Variants in VANGL1 observed in about 807,000 individuals in gnomAD.
VANGL1 encodes the protein VANGL planar cell polarity protein 1.
Under a neutral mutation model 48.4 loss-of-function variants are expected in VANGL1, and 18 were observed. The ratio of observed to expected loss-of-function variants is 0.37; its 90% CI spans 0.26 to 0.55. The LOEUF (loss-of-function observed/expected upper bound fraction) is 0.55, where lower values mean the gene tolerates loss of function less well. Among genes scored for constraint, VANGL1 ranks in the 20% least tolerant of loss-of-function variants. The pLI, the probability that VANGL1 is intolerant of heterozygous loss-of-function variation, is 0.81. For synonymous variants in VANGL1, 257 were observed against 261.8 expected (o/e 0.98, Z 0.18); for missense variants, 667 against 675.8 (o/e 0.99, Z 0.14).
chr1:115,684,624 C>A (rs992898812), intron 6 of VANGL1, among the ~76,000 whole-genome samples: 4 of 152,150 alleles, frequency 2.6e-5, no homozygotes, highest in African/African-American at 9.7e-5. Context: ...CTTGCAGAGA[C>A]CCTACCCAAT....
At position 115,683,992 on chromosome 1, in the gene VANGL1, C is replaced by T; in HGVS notation, c.995C>T (p.Ala332Val). Residue 332 changes from alanine to valine, a missense_variant, in exon 6 of 8, where the codon GCT (alanine) becomes GTT (valine). Coordinates refer to ENST00000355485, the MANE Select transcript of VANGL1 (RefSeq NM_138959.3). ...TGQSRAMIAA[A>V]ARRRDSSHNE... is the part of the protein sequence containing the mutation. ...CAGTCCCGGGCCATGATTGCTGCAG[C>T]TGCTCGGCGCAGGGACTCAAGCCAC... 6.2e-7 allele frequency: 1 copy of T among 1,614,174 alleles called. No individual in the cohort carries two copies. Among genetic ancestry groups the T allele is most frequent in the Non-Finnish European group, 8.5e-7 (1 of 1,180,024 alleles).
At chr1:115,678,680 G>A (rs1570765381) in intron 4 of VANGL1, among the ~76,000 whole-genome samples, 1 of 152,172 alleles carries the variant, frequency 6.6e-6, no homozygotes, top group African/African-American at 2.4e-5. Flanking sequence ...GAAAGGCCAG[G>A]CACAGTGGCT....
At chr1:115,673,837 T>C (rs1291108232) in intron 4 of VANGL1, among the ~76,000 whole-genome samples, 1 of 152,034 alleles carries the variant, frequency 6.6e-6, no homozygotes, top group Non-Finnish European at 1.5e-5. Context: ...TGACCTCAAA[T>C]GATCTGCCTG....
intron 1 of VANGL1, among the ~76,000 whole-genome samples, chr1:115,646,017 A>T (rs573603411): frequency 6.9e-6 from 1 of 144,016 alleles, no homozygotes; most frequent in East Asian, 1.9e-4. Context: ...TATGTTTACC[A>T]CTGTCATTAT....
At chr1:115,645,315 A>G (rs562954858) in intron 1 of VANGL1, among the ~76,000 whole-genome samples, 1 of 152,334 alleles carries the variant, frequency 6.6e-6, no homozygotes, top group Admixed American at 6.5e-5. Context: ...TACAGAAGTT[A>G]TATGCCATAC....
intron 1 of VANGL1, among the ~76,000 whole-genome samples, chr1:115,649,986 C>G (rs1652082903): frequency 6.6e-6 from 1 of 152,138 alleles, no homozygotes; most frequent in Non-Finnish European, 1.5e-5. Context: ...ACAAAGGAGG[C>G]TGGCCCTGGG....
At chr1:115,664,290 G>T in intron 4 of VANGL1, 22 bp downstream of exon 4, 3 of 1,611,726 alleles carry the variant, frequency 1.9e-6, no homozygotes, top group Non-Finnish European at 2.5e-6. Context: ...CATCCAGGAG[G>T]CAGAAAGGAT....
chr1:115,681,768 A>G (rs1339058959), intron 4 of VANGL1, among the ~76,000 whole-genome samples: 1 of 152,044 alleles, frequency 6.6e-6, no homozygotes, highest in African/African-American at 2.4e-5. Flanking sequence ...CAGCCTCCCA[A>G]AGTGCTGGGA....
intron 3 of VANGL1, 53 bp downstream of exon 3, chr1:115,659,826 T>A: frequency 5.6e-6 from 9 of 1,612,380 alleles, no homozygotes; most frequent in Non-Finnish European, 6.8e-6. Context: ...AAGACTCCTG[T>A]CTGTAAATGT....
chr1:115,659,820 C>T (rs745409143), intron 3 of VANGL1, 47 bp downstream of exon 3: 24 of 1,613,174 alleles, frequency 1.5e-5, no homozygotes, highest in Non-Finnish European at 1.9e-5. Flanking sequence ...TTGGCCAAGA[C>T]TCCTGTCTGT....
rs995193674 is a variant in VANGL1, at chr1:115,689,083, G to A, written c.1315-2036G>A. On this transcript the variant is annotated intron_variant, in intron 7 of 7. Coordinates refer to ENST00000355485, the MANE Select transcript of VANGL1 (RefSeq NM_138959.3). The stretch of plus-strand genomic sequence containing the variant: ...TGGGATTACAGGCATGAGCCACTGC[G>A]CCCAGCCTATATTTCTTTAGTTAAT... 9.5e-5 allele frequency among the ~76,000 whole-genome samples: 13 copies of A among 136,936 alleles called. 1 individual carries two copies. The highest frequency in any genetic ancestry group is 2.1e-4 in the Non-Finnish European group (13 of 62,968). 89.8% of individuals were successfully genotyped at this position (136,936 alleles called of 152,430 possible). A position where few individuals can be genotyped will look rare whatever the true frequency, so the allele number is the denominator to read the frequency against.
Position 115,687,721 on chromosome 1 carries a change from G to C in VANGL1, c.1314+2194G>C, listed in dbSNP as rs1253086042. 4.4e-4 allele frequency among the ~76,000 whole-genome samples: 59 copies of C among 133,278 alleles called. 15 individuals are homozygous for C. The highest frequency in any genetic ancestry group is 1.6e-3 in the African/African-American group (56 of 35,388). 87.4% of individuals were successfully genotyped at this position (133,278 alleles called of 152,430 possible). On this transcript the variant is annotated intron_variant, in intron 7 of 7. Coordinates refer to ENST00000355485, the MANE Select transcript of VANGL1 (RefSeq NM_138959.3). ...TCTCTTTCTCTGTGTGTGTGTGTGT[G>C]TGTGTGTGTGTGTGTGTGTGTGTGT...
At chr1:115,665,361 A>T (rs983467807) in intron 4 of VANGL1, among the ~76,000 whole-genome samples, 9 of 152,232 alleles carry the variant, frequency 5.9e-5, no homozygotes, top group South Asian at 4.1e-4. Flanking sequence ...TGATGTGTGT[A>T]GCCTGCTTGG....
intron 2 of VANGL1, among the ~76,000 whole-genome samples, chr1:115,653,372 G>C (rs1007722357): frequency 2.0e-5 from 3 of 152,116 alleles, no homozygotes; most frequent in Admixed American, 6.5e-5. Context: ...TCAGCTGGTG[G>C]GTAAACTTAC....
At chr1:115,668,884 C>G (rs1652881843) in intron 4 of VANGL1, among the ~76,000 whole-genome samples, 1 of 152,162 alleles carries the variant, frequency 6.6e-6, no homozygotes, top group African/African-American at 2.4e-5. Context: ...CTGGAACTGT[C>G]CCAGTAGTAT....
chr1:115,681,364 G>C (rs1238426701), intron 4 of VANGL1, among the ~76,000 whole-genome samples: 1 of 86,222 alleles, frequency 1.2e-5, no homozygotes, highest in Non-Finnish European at 2.6e-5. Context: ...ACCAAGCAGG[G>C]GATAGTTGGA....
intron 3 of VANGL1, among the ~76,000 whole-genome samples, chr1:115,662,464 G>C (rs975800498): frequency 6.6e-6 from 1 of 152,178 alleles, no homozygotes; most frequent in African/African-American, 2.4e-5. Flanking sequence ...ATTGTTGCCA[G>C]TTGTTTTTAA....
At chr1:115,673,281 G>A (rs997029378) in intron 4 of VANGL1, among the ~76,000 whole-genome samples, 2 of 152,142 alleles carry the variant, frequency 1.3e-5, no homozygotes, top group African/African-American at 2.4e-5. Flanking sequence ...CAGCTTTGCC[G>A]CTTACCTGCC....
chr1:115,681,973 G>C (rs1264155455), intron 4 of VANGL1, among the ~76,000 whole-genome samples: 1 of 152,246 alleles, frequency 6.6e-6, no homozygotes, highest in Non-Finnish European at 1.5e-5. Context: ...TCACTCATTA[G>C]CTCTGCAACC....
Sources: allele counts gnomAD v4.1 joint callset (sites outside exome capture counted in the v4.1 genomes callset), GRCh38; gene constraint gnomAD v4.1.1; transcripts MANE v1.5; gene names NCBI Gene and HGNC (gene_info 2026-07-23, HGNC 2026-07-21).